Variants in IL1RAP observed in about 807,000 individuals in gnomAD.
The protein encoded by IL1RAP is interleukin-1 receptor accessory protein.
Under a neutral mutation model 60.7 loss-of-function variants are expected in IL1RAP, and 35 were observed. The observed-to-expected ratio is 0.58, with a 90% CI of 0.44 to 0.76. The LOEUF (loss-of-function observed/expected upper bound fraction) is 0.76. IL1RAP is among the 30% of genes least tolerant of loss of function. The pLI, the probability that IL1RAP is intolerant of heterozygous loss-of-function variation, is 0.00. For missense variants in IL1RAP, 572 were observed against 693.9 expected (o/e 0.82, Z 1.97); for synonymous variants, 268 against 250.9 (o/e 1.07, Z -0.64).
downstream of IL1RAP, chr3:190,651,625 A>G (rs138870634): frequency 7.3e-4 from 114 of 156,110 alleles, no homozygotes; most frequent in African/African-American, 2.5e-3. Flanking sequence ...ATAATAAGTT[A>G]CATTAGTTAA....
chr3:190,551,393 A>T lies in IL1RAP; in HGVS notation c.-88-4737A>T, dbSNP rs115823721. Among the ~76,000 whole-genome samples the T allele has an allele frequency of 8.3e-3, 1,269 of 152,352 alleles. 21 individuals carry two copies. The highest frequency in any genetic ancestry group is 0.029 in the African/African-American group (1,199 of 41,578). On this transcript the variant is annotated intron_variant, in intron 1 of 11. Transcript: ENST00000447382. ...ATATTGCCGTAAGTTAAAAATACTC[A>T]CAGATAGCTTCCAAATTCTAGAGGA...
Position 190,629,484 on chromosome 3 carries a change from A to C in IL1RAP, c.1037A>C (p.Lys346Thr). 1 of 1,612,278 alleles carries C rather than the reference A, an allele frequency of 6.2e-7. No individual in the cohort carries two copies. Among genetic ancestry groups the C allele is most frequent in the Non-Finnish European group, 8.5e-7 (1 of 1,179,372 alleles). ...AAAGGCGAAGTTGCCAAAGCAGCCA[A>C]GGTGAAGCAGAAAGGTAATAGATGC... ...SAKGEVAKAA[K>T]VKQKVPAPRY... The change falls in exon 9 of 12, where the codon AAG (lysine) becomes ACG (threonine). Residue 346 changes from lysine (K) to threonine (T), a missense_variant. Physicochemically the swap from Lys to Thr is moderately conservative, Grantham distance 78. Coordinates refer to ENST00000447382, the MANE Select transcript of IL1RAP (RefSeq NM_002182.4).
chr3:190,581,410 G>A (rs1727986028), intron 3 of IL1RAP, among the ~76,000 whole-genome samples: 2 of 152,172 alleles, frequency 1.3e-5, no homozygotes, highest in Non-Finnish European at 2.9e-5. Flanking sequence ...CCACACACTT[G>A]GCAGGTAGGT....
Position 190,625,387 on chromosome 3 carries a change from A to G in IL1RAP, c.776-1936A>G, listed in dbSNP as rs188481712. On this transcript the variant is annotated intron_variant, in intron 7 of 11. Coordinates refer to ENST00000447382, the MANE Select transcript of IL1RAP (RefSeq NM_002182.4). ...TCTAGAATTAACATGAGTAGGAGTA[A>G]AAGTGGCTGTGGCATCAGGGCGGGC... Among the ~76,000 whole-genome samples the G allele has an allele frequency of 8.7e-4, 132 of 152,228 alleles. 1 individual carries two copies. Among genetic ancestry groups the G allele is most frequent in the African/African-American group, 2.7e-3 (112 of 41,534 alleles).
At chr3:190,516,363 A>T (rs544818707) in intron 1 of IL1RAP, 1 of 152,334 alleles carries the variant, frequency 6.6e-6, no homozygotes, top group African/African-American at 2.4e-5. Flanking sequence ...GAAAAGGAAA[A>T]TGTTCAAAAT....
At position 190,650,655 on chromosome 3, in the gene IL1RAP, A is replaced by G; in HGVS notation, c.*1950A>G. The G allele has an allele frequency of 1.1e-6, 1 of 918,150 alleles. No homozygotes were observed. Among genetic ancestry groups the G allele is most frequent in the Non-Finnish European group, 1.3e-6 (1 of 768,670 alleles). 56.9% of individuals were successfully genotyped at this position (918,150 alleles called of 1,614,324 possible). ...GTGTTATTGATTATTTTAAATTGAA[A>G]AAAGTTTCACTTGGATGAAAAAAGT... On this transcript the variant is annotated 3_prime_UTR_variant, in exon 12 of 12. Coordinates refer to ENST00000447382, the MANE Select transcript of IL1RAP (RefSeq NM_002182.4).
chr3:190,614,998 A>G (rs980338457), intron 5 of IL1RAP, among the ~76,000 whole-genome samples: 7 of 152,154 alleles, frequency 4.6e-5, no homozygotes, highest in African/African-American at 1.4e-4. Context: ...TTTACATTTC[A>G]GAATTGCTGA....
At chr3:190,524,099 G>C (rs534539973) in intron 1 of IL1RAP, among the ~76,000 whole-genome samples, 42 of 152,146 alleles carry the variant, frequency 2.8e-4, no homozygotes, top group African/African-American at 9.6e-4. Flanking sequence ...GTTTTGATTT[G>C]AATTTCTCTA....
At position 190,648,359 on chromosome 3, in the gene IL1RAP, G is replaced by A; in HGVS notation, c.1367G>A (p.Ser456Asn). ...CCAGTTGTCACAGATGAGACTTTGAGCTTCATTCAGAAAAGCAGACGCCTC... is the reference window on the plus strand; with the variant it reads ...CCAGTTGTCACAGATGAGACTTTGAACTTCATTCAGAAAAGCAGACGCCTC... ...PGGIVTDETL[S>N]FIQKSRRLLV... is the part of the protein sequence containing the mutation. Residue 456 changes from serine to asparagine, a missense_variant, in exon 12 of 12, where the codon AGC becomes AAC. Ser to Asn is a conservative substitution (Grantham distance 46). Transcript: ENST00000447382. The A allele has an allele frequency of 1.3e-6, 2 of 1,595,468 alleles. No individual in the cohort carries two copies. The highest frequency in any genetic ancestry group is 8.5e-7 in the Non-Finnish European group (1 of 1,174,864).
rs147879713 is a variant in IL1RAP, at chr3:190,595,676, G to T, written c.65-8452G>T. On this transcript the variant is annotated intron_variant, in intron 3 of 11. Transcript: ENST00000447382. ...GGACAGTTTCTAAGTGGCCTGATCC[G>T]CATTGGTTTCTAGTTTGGAATGTAA... Among the ~76,000 whole-genome samples, 1,413 of 152,254 alleles carry T rather than the reference G, an allele frequency of 9.3e-3. 22 individuals are homozygous for T. The highest frequency in any genetic ancestry group is 0.041 in the Middle Eastern group (12 of 294).
At chr3:190,591,741 T>C (rs1311133724) in intron 3 of IL1RAP, among the ~76,000 whole-genome samples, 6 of 152,234 alleles carry the variant, frequency 3.9e-5, no homozygotes, top group Admixed American at 6.5e-5. Flanking sequence ...GCTGTTTGAT[T>C]ATTATATTAA....
At chr3:190,608,250 C>G (rs1730519394) in intron 4 of IL1RAP, among the ~76,000 whole-genome samples, 1 of 152,120 alleles carries the variant, frequency 6.6e-6, no homozygotes, top group Non-Finnish European at 1.5e-5. Flanking sequence ...CACACCTAGG[C>G]TATATGGTAT....
chr3:190,644,996 A>G (rs527380574), intron 10 of IL1RAP, among the ~76,000 whole-genome samples: 46 of 152,306 alleles, frequency 3.0e-4, no homozygotes, highest in African/African-American at 1.0e-3. Flanking sequence ...TAGAAGAAGA[A>G]TCTTAGACCT....
intron 1 of IL1RAP, among the ~76,000 whole-genome samples, chr3:190,523,216 A>G (rs1450651419): frequency 6.6e-6 from 1 of 151,998 alleles, no homozygotes. Flanking sequence ...TTGAATTTGC[A>G]TGGGTTGGGG....
At chr3:190,626,632 G>A (rs1732291186) in intron 7 of IL1RAP, among the ~76,000 whole-genome samples, 1 of 150,720 alleles carries the variant, frequency 6.6e-6, no homozygotes, top group South Asian at 2.1e-4. Flanking sequence ...AGTCTCTGGA[G>A]GTCTAGGGCT....
chr3:190,535,412 C>T (rs905815672), intron 1 of IL1RAP, among the ~76,000 whole-genome samples: 2 of 152,204 alleles, frequency 1.3e-5, no homozygotes, highest in Non-Finnish European at 2.9e-5. Flanking sequence ...ATGTGTGTGA[C>T]TTAGTTTCCC....
intron 9 of IL1RAP, among the ~76,000 whole-genome samples, chr3:190,641,388 C>A (rs1241536901): frequency 2.0e-5 from 3 of 152,246 alleles, no homozygotes; most frequent in Non-Finnish European, 4.4e-5. Flanking sequence ...TGTAAGCCAG[C>A]ACTGCTTTAC....
chr3:190,569,048 G>A lies in IL1RAP; in HGVS notation c.64+4695G>A, dbSNP rs182930341. Among the ~76,000 whole-genome samples the A allele has an allele frequency of 4.0e-3, 604 of 152,266 alleles. 8 individuals carry two copies. The highest frequency in any genetic ancestry group is 0.013 in the African/African-American group (543 of 41,544). On this transcript the variant is annotated intron_variant, in intron 3 of 11. Transcript: ENST00000447382. ...TCATTGCTCCTTCCTAGGAAGAAAC[G>A]CATCTCTTATTTGGGAATGAAATAG...
rs1734270923 is a variant in IL1RAP, at chr3:190,649,584, C to T, written c.*879C>T. On this transcript the variant is annotated 3_prime_UTR_variant, in exon 12 of 12. Coordinates refer to ENST00000447382, the MANE Select transcript of IL1RAP (RefSeq NM_002182.4). Reference sequence around the variant, plus strand: ...ATTTTTCTGACTCATGAAAAGAGCACAGAAAAGGATGTTTGGCAATTTGTC... The same window carrying T: ...ATTTTTCTGACTCATGAAAAGAGCATAGAAAAGGATGTTTGGCAATTTGTC... 2.0e-6 allele frequency: 2 copies of T among 985,666 alleles called. No individual in the cohort carries two copies. The highest frequency in any genetic ancestry group is 1.7e-5 in the African/African-American group (1 of 57,212). The allele number at this position is 985,666 out of a possible 1,614,324, so 61.1% of individuals were successfully genotyped here. A position where few individuals can be genotyped will look rare whatever the true frequency, so the allele number is the denominator to read the frequency against.
Sources: gnomAD v4.1 joint callset for allele counts (sites outside exome capture counted in the v4.1 genomes callset) on GRCh38, gnomAD v4.1.1 for gene constraint, MANE v1.5 for transcripts, NCBI Gene and HGNC (gene_info 2026-07-23, HGNC 2026-07-21) for gene names.